AGAP5: variants seen among roughly 807,000 people sequenced by gnomAD.
The protein encoded by AGAP5 is arf-GAP with GTPase, ANK repeat and PH domain-containing protein 5.
Under a neutral mutation model 27.7 loss-of-function variants are expected in AGAP5, and 8 were observed. The observed-to-expected ratio is 0.29, with a 90% CI of 0.17 to 0.52. AGAP5 has a LOEUF of 0.52. Ranked by LOEUF, AGAP5 falls within the 20% of genes least tolerant of loss-of-function variation. AGAP5 has a pLI of 0.97. For synonymous variants in AGAP5, 111 were observed against 338.0 expected (o/e 0.33, Z 7.37); for missense variants, 285 against 880.8 (o/e 0.32, Z 8.56).
At chr10:73,677,686 ACACTGTTCTGAAT>A (rs1318210220) in intron 6 of AGAP5, among the ~76,000 whole-genome samples, 1 of 152,040 alleles carries the variant, frequency 6.6e-6, no homozygotes, top group African/African-American at 2.4e-5. Context: ...TGCCTGGCCA[ACACTGTTCTGAAT>A]CATACTAATT....
In AGAP5 at chr10:73,697,922, C is replaced by T. The variant is rs577949264; in HGVS notation, c.-167G>A. On this transcript the variant is annotated 5_prime_UTR_variant, in exon 1 of 8. Coordinates refer to ENST00000374094, the MANE Select transcript of AGAP5 (RefSeq NM_001144000.4). The stretch of plus-strand genomic sequence containing the variant: ...CGGGCACCATCCCTGGCCCCGGCCC[C>T]GGCCCCGGCTAGGGCTGCGGGTCAA... The T allele has an allele frequency of 1.6e-5, 24 of 1,529,748 alleles. No homozygotes were observed. The highest frequency in any genetic ancestry group is 9.6e-5 in the African/African-American group (7 of 73,010). 94.8% of individuals were successfully genotyped at this position (1,529,748 alleles called of 1,614,324 possible).
In AGAP5 at chr10:73,697,527, CCTT is replaced by C; in HGVS notation, c.223+3_223+5del. On this transcript the variant is annotated splice_donor_5th_base_variant and intron_variant, in intron 1 of 7. Coordinates refer to ENST00000374094, the MANE Select transcript of AGAP5 (RefSeq NM_001144000.4). ...CGAGGGTAGATGGCACCTATCACCT[CCTT>C]ACCTTCAGGCATCTCCTGGTCACGA... is the stretch of plus-strand genomic sequence containing the variant. 1 of 1,612,454 alleles carries C rather than the reference CCTT, an allele frequency of 6.2e-7. No homozygotes were observed.
chr10:73,692,925 G>T (rs560046169), intron 3 of AGAP5, among the ~76,000 whole-genome samples: 1 of 152,184 alleles, frequency 6.6e-6, no homozygotes, highest in East Asian at 1.9e-4. Context: ...GATTACAGGT[G>T]TAAGCCACAG....
intron 3 of AGAP5, among the ~76,000 whole-genome samples, chr10:73,693,715 A>G (rs1369586784): frequency 1.3e-5 from 2 of 150,220 alleles, no homozygotes; most frequent in East Asian, 3.9e-4. Flanking sequence ...AAAAAAAAAA[A>G]GAGTGTGGTA....
chr10:73,677,376 CTTTTTTTTTTTT>C (rs3998276), intron 6 of AGAP5, among the ~76,000 whole-genome samples: 1 of 32,502 alleles, frequency 3.1e-5, no homozygotes, highest in Non-Finnish European at 6.5e-5. Flanking sequence ...CATAACTGTT[CTTTTTTTTTTTT>C]TTTTTTTTTT....
intron 2 of AGAP5, among the ~76,000 whole-genome samples, chr10:73,695,457 G>A (rs1178153908): frequency 6.6e-6 from 1 of 152,082 alleles, no homozygotes; most frequent in East Asian, 1.9e-4. Context: ...AGCCATTTTT[G>A]GGCTCTCATC....
intron 3 of AGAP5, among the ~76,000 whole-genome samples, chr10:73,694,379 A>G (rs1342546898): frequency 6.6e-6 from 1 of 152,168 alleles, no homozygotes; most frequent in Non-Finnish European, 1.5e-5. Context: ...TCTATCATTC[A>G]TCTTTAAAGT....
rs2081986034 is a variant in AGAP5, at chr10:73,677,061, C to G, written c.534-291G>C. ...ACCAAACATATTTTCACTCTTCTAACCACACATTGAAACACAAGAATGTTC... is the reference window on the plus strand; with the variant it reads ...ACCAAACATATTTTCACTCTTCTAAGCACACATTGAAACACAAGAATGTTC... On this transcript the variant is annotated intron_variant, in intron 6 of 7. Coordinates refer to ENST00000374094, the MANE Select transcript of AGAP5 (RefSeq NM_001144000.4). 4.6e-5 allele frequency among the ~76,000 whole-genome samples: 7 copies of G among 152,230 alleles called. No homozygotes were observed. In the South Asian group the frequency reaches 1.5e-3, roughly 32 times the overall value.
chr10:73,686,741 C>T (rs146253411), intron 4 of AGAP5, among the ~76,000 whole-genome samples: 24 of 152,010 alleles, frequency 1.6e-4, no homozygotes, highest in African/African-American at 4.1e-4. Context: ...AATCAATGAG[C>T]GGATAAAGAA....
Position 73,697,105 on chromosome 10 carries a change from A to G in AGAP5, c.282T>C (p.Ser94=). 6.3e-7 allele frequency: 1 copy of G among 1,598,010 alleles called. No homozygotes were observed. The highest frequency in any genetic ancestry group is 8.5e-7 in the Non-Finnish European group (1 of 1,179,708). Residue 94 remains serine, a synonymous_variant, in exon 2 of 8, where the codon TCT becomes TCC. Coordinates refer to ENST00000374094, the MANE Select transcript of AGAP5 (RefSeq NM_001144000.4). ...PEASTIFQRN[S]QTDALEFNPS... ...ACACTGTTGTCTCACCATCTGTTTG[A>G]GAGTTCCTCTGGAATATTGTGCTTG...
Position 73,691,492 on chromosome 10 carries a change from CTT to C in AGAP5, c.396+549_396+550del, listed in dbSNP as rs770330986. ...AAAATAAGATTAAATATTTAAGGCA[CTT>C]TTTTTTTTTTTTTTTTGAGACGGAG... On this transcript the variant is annotated intron_variant, in intron 4 of 7. Coordinates refer to ENST00000374094, the MANE Select transcript of AGAP5 (RefSeq NM_001144000.4). Among the ~76,000 whole-genome samples, 632 of 132,824 alleles carry C rather than the reference CTT, an allele frequency of 4.8e-3. 4 individuals carry two copies. Among genetic ancestry groups the C allele is most frequent in the African/African-American group, 0.016 (594 of 36,208 alleles). The allele number at this position is 132,824 out of a possible 152,430, so 87.1% of individuals were successfully genotyped here.
rs185711762 is a variant in AGAP5, at chr10:73,692,627, T to C, written c.362-550A>G. ...CTTTACACAACTGGAAAGTAACCTA[T>C]CTTAAATTTTTTTTTTTTTTTTTTT... On this transcript the variant is annotated intron_variant, in intron 3 of 7. Transcript: ENST00000374094. Among the ~76,000 whole-genome samples, 408 of 145,954 alleles carry C rather than the reference T, an allele frequency of 2.8e-3. 2 individuals carry two copies. The highest frequency in any genetic ancestry group is 9.8e-3 in the African/African-American group (391 of 39,946).
rs754087717 is a variant in AGAP5, at chr10:73,697,557, T to C, written c.199A>G (p.Ile67Val). ...CCTTCAGGCATCTCCTGGTCACGAA[T>C]GTGGTGCATGTGGAGGTCCTCACCA... ...EVGEDLHMHHIRDQEMPEALE... is the reference protein window; with the variant it reads ...EVGEDLHMHHVRDQEMPEALE... Residue 67 changes from isoleucine (I) to valine (V), a missense_variant, in exon 1 of 8, where the codon ATT becomes GTT. Transcript: ENST00000374094. The C allele has an allele frequency of 4.3e-6, 7 of 1,613,024 alleles. No individual in the cohort carries two copies. Among genetic ancestry groups the C allele is most frequent in the Admixed American group, 1.7e-5 (1 of 60,016 alleles).
intron 4 of AGAP5, among the ~76,000 whole-genome samples, chr10:73,691,271 G>A (rs1270636846): frequency 6.6e-6 from 1 of 152,166 alleles, no homozygotes; most frequent in Non-Finnish European, 1.5e-5. Flanking sequence ...TGACTTAGCA[G>A]TGAATAATAT....
intron 6 of AGAP5, among the ~76,000 whole-genome samples, chr10:73,678,956 C>A (rs1312651634): frequency 2.0e-5 from 3 of 151,426 alleles, no homozygotes; most frequent in Non-Finnish European, 4.4e-5. Flanking sequence ...CAGGCTCAAG[C>A]GATTCTCCTG....
chr10:73,693,179 A>G (rs2082133306), intron 3 of AGAP5, among the ~76,000 whole-genome samples: 1 of 152,156 alleles, frequency 6.6e-6, no homozygotes, highest in Non-Finnish European at 1.5e-5. Flanking sequence ...TACTGCTTCC[A>G]TGCTCTCTAG....
chr10:73,681,190 AG>A (rs2082022136), intron 5 of AGAP5: 1 of 246,262 alleles, frequency 4.1e-6, no homozygotes, highest in Non-Finnish European at 6.3e-6. Context: ...TTGGGCATCA[AG>A]GTTCTTGGTA....
Position 73,697,927 on chromosome 10 carries a change from C to G in AGAP5, c.-172G>C. On this transcript the variant is annotated 5_prime_UTR_variant, in exon 1 of 8. Coordinates refer to ENST00000374094, the MANE Select transcript of AGAP5 (RefSeq NM_001144000.4). ...ACCATCCCTGGCCCCGGCCCCGGCCCCGGCTAGGGCTGCGGGTCAAGGCCC... is the reference window on the plus strand; with the variant it reads ...ACCATCCCTGGCCCCGGCCCCGGCCGCGGCTAGGGCTGCGGGTCAAGGCCC... The G allele has an allele frequency of 2.0e-6, 3 of 1,527,540 alleles. No homozygotes were observed. Among genetic ancestry groups the G allele is most frequent in the Non-Finnish European group, 2.6e-6 (3 of 1,142,396 alleles). The allele number at this position is 1,527,540 out of a possible 1,614,324, so 94.6% of individuals were successfully genotyped here. A position where few individuals can be genotyped will look rare whatever the true frequency, so the allele number is the denominator to read the frequency against.
chr10:73,692,031 G>A lies in AGAP5; in HGVS notation c.396+12C>T. Reference sequence around the variant, plus strand: ...AACTATCAATTTCTTAACTATTTGAGTGTTTACTTACATGGTTTGTACAGT... The same window carrying A: ...AACTATCAATTTCTTAACTATTTGAATGTTTACTTACATGGTTTGTACAGT... On this transcript the variant is annotated intron_variant, in intron 4 of 7. Coordinates refer to ENST00000374094, the MANE Select transcript of AGAP5 (RefSeq NM_001144000.4). 1 of 1,459,444 alleles carries A rather than the reference G, an allele frequency of 6.9e-7. No homozygotes were observed. The allele number at this position is 1,459,444 out of a possible 1,614,324, so 90.4% of individuals were successfully genotyped here. A position where few individuals can be genotyped will look rare whatever the true frequency, so the allele number is the denominator to read the frequency against.
Sources: gnomAD v4.1 joint callset for allele counts (sites outside exome capture counted in the v4.1 genomes callset) on GRCh38, gnomAD v4.1.1 for gene constraint, MANE v1.5 for transcripts, NCBI Gene and HGNC (gene_info 2026-07-23, HGNC 2026-07-21) for gene names.